The following ANK3 variants were observed in gnomAD, a reference collection of about 807,000 sequenced individuals.
ANK3 encodes ankyrin-3.
Under a neutral mutation model 370.9 loss-of-function variants are expected in ANK3, and 57 were observed. The ratio of observed to expected loss-of-function variants is 0.15; its 90% confidence interval spans 0.12 to 0.19. ANK3 has a LOEUF of 0.19. Among genes scored for constraint, ANK3 ranks in the 10% least tolerant of loss-of-function variants. The probability of loss-of-function intolerance (pLI) is 1.00; values close to 1 mark genes in which losing one functional copy is unlikely to be tolerated. For missense variants in ANK3, 4,439 were observed against 5,302.1 expected (o/e 0.84, Z 5.06); for synonymous variants, 1,929 against 1,946.3 (o/e 0.99, Z 0.23).
rs78171587 is a variant in ANK3 at position 60,450,953 on chromosome 10, G to A, written c.96+164233C>T. Among the ~76,000 whole-genome samples, 1,250 of 152,278 alleles carry A rather than the reference G, an allele frequency of 8.2e-3. 5 individuals carry two copies. Among genetic ancestry groups the A allele is most frequent in the Non-Finnish European group, 0.014 (949 of 68,024 alleles). ...AGAATGTGACTTTATTTGGAATAACGGTCTTTGCAGATGTAATTAAGGTAA... is the reference window on the plus strand; with the variant it reads ...AGAATGTGACTTTATTTGGAATAACAGTCTTTGCAGATGTAATTAAGGTAA... On this transcript the variant is annotated intron_variant, in intron 2 of 43. Transcript: ENST00000373827.
chr10:60,063,485 G>C (rs2081016771), intron 39 of ANK3, among the ~76,000 whole-genome samples: 2 of 152,160 alleles, frequency 1.3e-5, no homozygotes, highest in South Asian at 4.1e-4. Context: ...CAGTGCGGAT[G>C]GGCCTTAAAA....
intron 28 of ANK3, among the ~76,000 whole-genome samples, chr10:60,100,234 G>GTTTTGTTTT (rs2090966531): frequency 1.7e-5 from 1 of 57,898 alleles, no homozygotes; most frequent in Non-Finnish European, 2.8e-5. Context: ...TTTTGCTATG[G>GTTTTGTTTT]TTTTTTTTTT....
chr10:60,383,664 T>C lies in ANK3; in HGVS notation c.114+5761A>G, dbSNP rs150206164. On this transcript the variant is annotated intron_variant, in intron 1 of 43. Coordinates refer to ENST00000280772, the MANE Select transcript of ANK3 (RefSeq NM_020987.5). ...TGGTACAGAATATCAAGTATGCTAA[T>C]TGACCATGCTCCCTGGAGACCTGGA... Among the ~76,000 whole-genome samples the C allele has an allele frequency of 6.6e-5, 10 of 152,200 alleles. No individual in the cohort carries two copies. In the East Asian group the frequency reaches 1.7e-3, roughly 27 times the overall value.
chr10:60,623,508 T>G (rs1465175212), intron 1 of ANK3, among the ~76,000 whole-genome samples: 1 of 152,062 alleles, frequency 6.6e-6, no homozygotes, highest in African/African-American at 2.4e-5. Context: ...ACTTTGACAT[T>G]TTGTTAGTTT....
At chr10:60,693,595 G>C (rs1245302516) in intron 1 of ANK3, among the ~76,000 whole-genome samples, 1 of 152,206 alleles carries the variant, frequency 6.6e-6, no homozygotes, top group South Asian at 2.1e-4. Flanking sequence ...CCTGACCCCT[G>C]ACCCCCAAGC....
intron 2 of ANK3, among the ~76,000 whole-genome samples, chr10:60,465,291 TAAAAG>T (rs1325188159): frequency 6.7e-6 from 1 of 149,614 alleles, no homozygotes; most frequent in Non-Finnish European, 1.5e-5. Context: ...GAACAGAAAA[TAAAAG>T]AGAGAGAAGT....
At chr10:60,555,707 AGAC>A (rs1222080632) in intron 2 of ANK3, among the ~76,000 whole-genome samples, 1 of 152,112 alleles carries the variant, frequency 6.6e-6, no homozygotes, top group Non-Finnish European at 1.5e-5. Flanking sequence ...TTGGACCGGT[AGAC>A]TGTGGAATAA....
intron 40 of ANK3, chr10:60,062,514 T>C (rs779475761): frequency 1.3e-5 from 2 of 152,230 alleles, no homozygotes; most frequent in African/African-American, 4.8e-5. Context: ...TGATATACAA[T>C]AGATCAAGCA....
intron 1 of ANK3, among the ~76,000 whole-genome samples, chr10:60,388,924 A>G (rs2062805980): frequency 6.6e-6 from 1 of 152,224 alleles, no homozygotes; most frequent in African/African-American, 2.4e-5. Context: ...AAATAAAAGC[A>G]AAGCAGGAAA....
At chr10:60,351,817 G>A (rs1284209253) in intron 1 of ANK3, among the ~76,000 whole-genome samples, 1 of 152,048 alleles carries the variant, frequency 6.6e-6, no homozygotes, top group Admixed American at 6.6e-5. Flanking sequence ...AACCCAGAAT[G>A]TAAAGGTACA....
chr10:60,633,581 A>C (rs959543325), intron 1 of ANK3, among the ~76,000 whole-genome samples: 3 of 152,214 alleles, frequency 2.0e-5, no homozygotes, highest in African/African-American at 7.2e-5. Flanking sequence ...TGGATACAAA[A>C]TGTGGTCATG....
intron 11 of ANK3, among the ~76,000 whole-genome samples, chr10:60,203,761 C>T (rs191435027): frequency 7.5e-4 from 114 of 152,136 alleles, no homozygotes; most frequent in Admixed American, 1.3e-3. Flanking sequence ...GTACATAGAC[C>T]CCAGAATACT....
rs148256514 is a variant in ANK3, at chr10:60,493,753, A to G, written c.96+121433T>C. Among the ~76,000 whole-genome samples, 1,341 of 152,198 alleles carry G rather than the reference A, an allele frequency of 8.8e-3. 15 individuals carry two copies. The highest frequency in any genetic ancestry group is 0.011 in the Non-Finnish European group (768 of 67,990). ...CCCAAAATGGGTTGGCTATATAGAGATGTAAGAACTATCATTACACATAAA... is the reference window on the plus strand; with the variant it reads ...CCCAAAATGGGTTGGCTATATAGAGGTGTAAGAACTATCATTACACATAAA... On this transcript the variant is annotated intron_variant, in intron 2 of 43. Transcript: ENST00000373827.
chr10:60,038,066 T>C (rs2075420031), intron 43 of ANK3, among the ~76,000 whole-genome samples: 1 of 152,234 alleles, frequency 6.6e-6, no homozygotes, highest in African/African-American at 2.4e-5. Flanking sequence ...CTTTTATTCA[T>C]ATGCTTGTTG....
At chr10:60,234,602 C>T in intron 8 of ANK3, 86 bp downstream of exon 8, 1 of 741,910 alleles carries the variant, frequency 1.3e-6, no homozygotes, top group Non-Finnish European at 2.4e-6. Context: ...AAACAAAGCT[C>T]ATGTTGTATC....
intron 1 of ANK3, among the ~76,000 whole-genome samples, chr10:60,289,574 A>G (rs894054877): frequency 6.7e-6 from 1 of 150,298 alleles, no homozygotes; most frequent in African/African-American, 2.5e-5. Flanking sequence ...TAATTTTTGT[A>G]TTTTTTGTAG....
chr10:60,535,403 C>A (rs1019500791), intron 2 of ANK3, among the ~76,000 whole-genome samples: 1 of 151,998 alleles, frequency 6.6e-6, no homozygotes, highest in Non-Finnish European at 1.5e-5. Context: ...CAAAATAGTC[C>A]TTTATTGCAG....
chr10:60,357,171 T>C (rs542302568), intron 1 of ANK3, among the ~76,000 whole-genome samples: 1 of 152,342 alleles, frequency 6.6e-6, no homozygotes, highest in East Asian at 1.9e-4. Flanking sequence ...TCTGAGGCTC[T>C]GGCCTCTTAC....
rs756283106 is a variant in ANK3 at position 60,106,083 on chromosome 10, T to C, written c.3174-24A>G. The C allele has an allele frequency of 6.9e-5, 110 of 1,583,146 alleles. 1 individual carries two copies. The highest frequency in any genetic ancestry group is 9.2e-5 in the Non-Finnish European group (107 of 1,167,210). On this transcript the variant is annotated intron_variant, in intron 27 of 43. Transcript: ENST00000280772. ...GGCTGGAAAAAAAATCCACATTATT[T>C]TGGTATCAAATTAAATATATTTATA...
Sources: gnomAD v4.1 joint callset for allele counts (sites outside exome capture counted in the v4.1 genomes callset) on GRCh38, gnomAD v4.1.1 for gene constraint, MANE v1.5 for transcripts, NCBI Gene and HGNC (gene_info 2026-07-23, HGNC 2026-07-21) for gene names.